Variants in CNTNAP2 observed in about 807,000 individuals in gnomAD.
CNTNAP2 encodes contactin-associated protein-like 2.
A neutral mutation model predicts 155.2 loss-of-function variants in CNTNAP2; 98 were observed. That is an observed-to-expected ratio of 0.63 (90% CI 0.54 to 0.75). The LOEUF is 0.75. Ranked by LOEUF, CNTNAP2 falls within the 30% of genes least tolerant of loss-of-function variation. CNTNAP2 has a pLI of 0.00. For synonymous variants in CNTNAP2, 651 were observed against 631.2 expected (o/e 1.03, Z -0.47); for missense variants, 1,727 against 1,688.1 (o/e 1.02, Z -0.40).
chr7:147,080,501 G>T (rs1186037151), intron 4 of CNTNAP2, among the ~76,000 whole-genome samples: 1 of 151,554 alleles, frequency 6.6e-6, no homozygotes, highest in African/African-American at 2.4e-5. Flanking sequence ...TCACTTGTTT[G>T]TCCATAGTTT....
chr7:146,998,454 T>A (rs1459646379), intron 3 of CNTNAP2, among the ~76,000 whole-genome samples: 1 of 152,020 alleles, frequency 6.6e-6, no homozygotes, highest in Non-Finnish European at 1.5e-5. Context: ...ATATAGCATC[T>A]ATCCTGGAGA....
chr7:148,048,821 A>G, intron 15 of CNTNAP2, among the ~76,000 whole-genome samples: 1 of 152,190 alleles, frequency 6.6e-6, no homozygotes, highest in Admixed American at 6.5e-5. Flanking sequence ...TGAGTCTCAG[A>G]GTAGGGCTGG....
At chr7:147,032,082 G>T (rs950826211) in intron 3 of CNTNAP2, among the ~76,000 whole-genome samples, 1 of 152,166 alleles carries the variant, frequency 6.6e-6, no homozygotes, top group African/African-American at 2.4e-5. Context: ...TCACGTGAGT[G>T]ATCACATTTC....
chr7:146,313,610 T>G (rs1800862210), intron 1 of CNTNAP2, among the ~76,000 whole-genome samples: 2 of 152,284 alleles, frequency 1.3e-5, no homozygotes, highest in South Asian at 4.1e-4. Context: ...ATCTAAAAAA[T>G]AATTACCCAG....
chr7:147,842,611 C>T (rs868646099), intron 13 of CNTNAP2, among the ~76,000 whole-genome samples: 957 of 45,586 alleles, frequency 0.021, 12 homozygotes, highest in African/African-American at 0.077. Flanking sequence ...TTTTATTATA[C>T]TCTAAGTTTT....
At chr7:146,129,513 C>T (rs190844745) in intron 1 of CNTNAP2, among the ~76,000 whole-genome samples, 1 of 152,262 alleles carries the variant, frequency 6.6e-6, no homozygotes, top group African/African-American at 2.4e-5. Context: ...GTGTCAACTG[C>T]TCCCTAAGAA....
At chr7:147,356,024 C>T (rs995598014) in intron 9 of CNTNAP2, among the ~76,000 whole-genome samples, 1 of 152,014 alleles carries the variant, frequency 6.6e-6, no homozygotes, top group Admixed American at 6.6e-5. Flanking sequence ...AACATTGATG[C>T]AAAAATCCTC....
chr7:146,217,334 C>G (rs543095602), intron 1 of CNTNAP2, among the ~76,000 whole-genome samples: 2 of 152,312 alleles, frequency 1.3e-5, no homozygotes, highest in South Asian at 4.1e-4. Flanking sequence ...GCATCACATA[C>G]TCTTTATGAC....
chr7:146,779,700 T>G (rs138174992), intron 2 of CNTNAP2, among the ~76,000 whole-genome samples: 18 of 152,320 alleles, frequency 1.2e-4, no homozygotes, highest in African/African-American at 4.3e-4. Context: ...TCAAAGATGT[T>G]TCCTCCTATG....
At chr7:146,654,316 G>A (rs1033706746) in intron 1 of CNTNAP2, among the ~76,000 whole-genome samples, 4 of 151,878 alleles carry the variant, frequency 2.6e-5, no homozygotes, top group Admixed American at 6.6e-5. Flanking sequence ...CCTGGTATGC[G>A]TAGGTCACCT....
At chr7:146,313,330 A>G (rs1800858093) in intron 1 of CNTNAP2, among the ~76,000 whole-genome samples, 1 of 152,112 alleles carries the variant, frequency 6.6e-6, no homozygotes, top group Non-Finnish European at 1.5e-5. Flanking sequence ...AGTTTTTCAT[A>G]TATCTATTGG....
chr7:146,783,276 C>T (rs527874634), intron 2 of CNTNAP2, among the ~76,000 whole-genome samples: 1 of 152,222 alleles, frequency 6.6e-6, no homozygotes, highest in African/African-American at 2.4e-5. Flanking sequence ...AAAAGTATCA[C>T]CTTTGTTTTC....
At chr7:146,331,231 GAA>G in intron 1 of CNTNAP2, among the ~76,000 whole-genome samples, 1 of 149,844 alleles carries the variant, frequency 6.7e-6, no homozygotes, top group Middle Eastern at 3.5e-3. Context: ...GTGAACCCGG[GAA>G]GCGGAGCTTG....
In CNTNAP2 at chr7:148,416,768, A is replaced by G. The variant is rs182015275; in HGVS notation, c.*1152A>G. 13 of 150,784 alleles carry G rather than the reference A, an allele frequency of 8.6e-5. No homozygotes were observed. The highest frequency in any genetic ancestry group is 4.6e-4 in the Admixed American group (7 of 15,266). The allele number at this position is 150,784 out of a possible 1,614,324, so 9.3% of individuals were successfully genotyped here. A position where few individuals can be genotyped will look rare whatever the true frequency, so the allele number is the denominator to read the frequency against. On this transcript the variant is annotated 3_prime_UTR_variant, in exon 24 of 24. Transcript: ENST00000361727. ...ACTACTCCACGTGTTTTTCCATCCA[A>G]TCACACTGCTGTGATTCAGGGATCT...
chr7:147,864,828 T>C (rs1467122571), intron 13 of CNTNAP2, among the ~76,000 whole-genome samples: 1 of 152,242 alleles, frequency 6.6e-6, no homozygotes, highest in East Asian at 1.9e-4. Flanking sequence ...GATTTGGGGC[T>C]GAGACGATAG....
At chr7:147,485,066 CAG>C (rs890434016) in intron 10 of CNTNAP2, among the ~76,000 whole-genome samples, 2 of 152,046 alleles carry the variant, frequency 1.3e-5, no homozygotes, top group African/African-American at 2.4e-5. Flanking sequence ...GCCATTGAAA[CAG>C]GGGTGTTTCA....
intron 11 of CNTNAP2, among the ~76,000 whole-genome samples, chr7:147,511,854 C>T (rs1285979500): frequency 6.6e-6 from 1 of 152,134 alleles, no homozygotes; most frequent in Non-Finnish European, 1.5e-5. Context: ...TTTTCTCTGA[C>T]TTTACATGAG....
rs190584580 is a variant in CNTNAP2 at position 147,999,088 on chromosome 7, A to G, written c.2383+21099A>G. 2.2e-3 allele frequency among the ~76,000 whole-genome samples: 338 copies of G among 152,232 alleles called. 2 individuals carry two copies. The highest frequency in any genetic ancestry group is 8.4e-4 in the Non-Finnish European group (57 of 68,020). ...CTTATTGTTATATTCTCATTATAGA[A>G]GTCTTTTTTTTTGAGACAGAGTGTT... On this transcript the variant is annotated intron_variant, in intron 15 of 23. Coordinates refer to ENST00000361727, the MANE Select transcript of CNTNAP2 (RefSeq NM_014141.6).
rs374129996 is a variant in CNTNAP2, at chr7:147,006,275, T to G, written c.403-37632T>G. ...AGAAGTATACTAAACAAGGGTTGTT[T>G]TAGTGAGGTTTGTTATACAGATTTA... On this transcript the variant is annotated intron_variant, in intron 3 of 23. Transcript: ENST00000361727. Among the ~76,000 whole-genome samples, 15 of 152,160 alleles carry G rather than the reference T, an allele frequency of 9.9e-5. No homozygotes were observed. The East Asian group carries it at 2.9e-3, about 29-fold the overall frequency.
Sources: gnomAD v4.1 joint callset for allele counts (sites outside exome capture counted in the v4.1 genomes callset) on GRCh38, gnomAD v4.1.1 for gene constraint, MANE v1.5 for transcripts, NCBI Gene and HGNC (gene_info 2026-07-23, HGNC 2026-07-21) for gene names.